The following NXN variants were observed in gnomAD, a reference collection of about 807,000 sequenced individuals.
NXN encodes the protein nucleoredoxin 1.
A neutral mutation model predicts 48.6 loss-of-function variants in NXN; 16 were observed. The ratio of observed to expected loss-of-function variants is 0.33; its 90% CI spans 0.22 to 0.50. NXN has a LOEUF of 0.50. Ranked by LOEUF, NXN falls within the 20% of genes least tolerant of loss-of-function variation. The pLI is 0.98. For synonymous variants in NXN, 281 were observed against 269.6 expected, an observed-to-expected ratio of 1.04 and a Z score of -0.41; for missense variants, 492 against 605.5, an observed-to-expected ratio of 0.81 and a Z score of 1.97.
At chr17:928,696 C>T (rs1318365896) in intron 1 of NXN, among the ~76,000 whole-genome samples, 4 of 152,054 alleles carry the variant, frequency 2.6e-5, no homozygotes, top group Non-Finnish European at 5.9e-5. Flanking sequence ...ATTAGCCGGG[C>T]GTGGTGGTGG....
In NXN at chr17:932,420, T is replaced by G. The variant is rs1299924677; in HGVS notation, c.360+46899A>C. 6.6e-6 allele frequency among the ~76,000 whole-genome samples: 1 copy of G among 152,180 alleles called. No individual in the cohort carries two copies. The highest frequency in any genetic ancestry group is 1.5e-5 in the Non-Finnish European group (1 of 68,024). On this transcript the variant is annotated intron_variant, in intron 1 of 7. Transcript: ENST00000336868. This position sits in a 1 kb window ranked among gnomAD's most constrained non-coding sequence, Gnocchi z 4.1. The stretch of plus-strand genomic sequence containing the variant: ...TGGGATGGGGCCCAGGAATCCGCAT[T>G]TAACCAGTCCTTCTGGTTATTCATC...
chr17:881,546 A>C (rs940410066), intron 1 of NXN, among the ~76,000 whole-genome samples: 7 of 152,152 alleles, frequency 4.6e-5, no homozygotes, highest in Admixed American at 6.6e-5. Context: ...ACTTTGAAGA[A>C]CCGTTTGGTC....
In NXN at chr17:956,992, T is replaced by G. The variant is rs1430071768; in HGVS notation, c.360+22327A>C. Among the ~76,000 whole-genome samples the G allele has an allele frequency of 6.6e-6, 1 of 152,174 alleles. No homozygotes were observed. The highest frequency in any genetic ancestry group is 1.9e-4 in the East Asian group (1 of 5,196). On this transcript the variant is annotated intron_variant, in intron 1 of 7. Coordinates refer to ENST00000336868, the MANE Select transcript of NXN (RefSeq NM_022463.5). This position sits in a 1 kb window ranked among gnomAD's most constrained non-coding sequence, Gnocchi z 4.1. ...CTCTAAATTTATAGGTATATATATTTCATGCCTTATCTCCCCAGCTTAATT... is the reference window on the plus strand; with the variant it reads ...CTCTAAATTTATAGGTATATATATTGCATGCCTTATCTCCCCAGCTTAATT...
At chr17:968,827 C>T (rs191614497) in intron 1 of NXN, among the ~76,000 whole-genome samples, 1 of 152,122 alleles carries the variant, frequency 6.6e-6, no homozygotes, top group African/African-American at 2.4e-5. Flanking sequence ...ATCCCAGCTA[C>T]TCAGGAGGCT....
chr17:928,212 C>T (rs1039698515), intron 1 of NXN, among the ~76,000 whole-genome samples: 5 of 152,094 alleles, frequency 3.3e-5, no homozygotes, highest in Non-Finnish European at 7.4e-5. Flanking sequence ...GTCCAGGCAG[C>T]GGGGGTCTCA....
intron 1 of NXN, among the ~76,000 whole-genome samples, chr17:951,560 G>T (rs2069110984): frequency 6.6e-6 from 1 of 151,700 alleles, no homozygotes. Flanking sequence ...ATGCGAGCTG[G>T]GGGCGGGGGC....
At chr17:957,631 CA>C (rs34940337) in intron 1 of NXN, among the ~76,000 whole-genome samples, 349 of 131,742 alleles carry the variant, frequency 2.6e-3, no homozygotes, top group Middle Eastern at 4.0e-3. Flanking sequence ...GACTCCATCT[CA>C]AAAAAAAAAA....
At chr17:935,427 T>C (rs1597254818) in intron 1 of NXN, among the ~76,000 whole-genome samples, 1 of 152,064 alleles carries the variant, frequency 6.6e-6, no homozygotes, top group Admixed American at 6.6e-5. Context: ...TGAAGAACAC[T>C]GAGAAGTGGG....
intron 1 of NXN, among the ~76,000 whole-genome samples, chr17:947,199 T>C (rs2069053281): frequency 6.6e-6 from 1 of 152,098 alleles, no homozygotes; most frequent in Non-Finnish European, 1.5e-5. Flanking sequence ...CAGTAGTGGC[T>C]GAAAAACCGT....
rs531321704 is a variant in NXN, at chr17:958,456, G to A, written c.360+20863C>T. Among the ~76,000 whole-genome samples the A allele has an allele frequency of 9.2e-5, 14 of 152,188 alleles. No homozygotes were observed. The highest frequency in any genetic ancestry group is 1.9e-4 in the East Asian group (1 of 5,172). ...GAGGCCAGGCGTTCAAAACCAGCCC[G>A]GGCAACATAGCAGGACTCCAACTCT... is the stretch of plus-strand genomic sequence containing the variant. On this transcript the variant is annotated intron_variant, in intron 1 of 7. Coordinates refer to ENST00000336868, the MANE Select transcript of NXN (RefSeq NM_022463.5). The surrounding 1 kb of genome is among the most constrained non-coding windows in gnomAD (Gnocchi z 6.9).
intron 1 of NXN, among the ~76,000 whole-genome samples, chr17:966,460 G>A (rs1301327869): frequency 6.6e-6 from 1 of 152,046 alleles, no homozygotes; most frequent in African/African-American, 2.4e-5. Flanking sequence ...TGATTCTCCT[G>A]CCTCAGCCTC....
rs181330240 is a variant in NXN, at chr17:840,664, G to C, written c.361-14586C>G. Among the ~76,000 whole-genome samples the C allele has an allele frequency of 3.6e-3, 550 of 152,334 alleles. 2 individuals are homozygous for C. Among genetic ancestry groups the C allele is most frequent in the Middle Eastern group, 0.01 (3 of 294 alleles). ...GGCGTGCAGACTTCTTACGTCTTAA[G>C]AGCCTCACTTCACCGGCGAGATACT... On this transcript the variant is annotated intron_variant, in intron 1 of 7. Coordinates refer to ENST00000336868, the MANE Select transcript of NXN (RefSeq NM_022463.5).
intron 1 of NXN, among the ~76,000 whole-genome samples, chr17:916,570 A>G (rs2068690615): frequency 6.6e-6 from 1 of 152,222 alleles, no homozygotes; most frequent in Non-Finnish European, 1.5e-5. Flanking sequence ...TAAATATCCA[A>G]GGAATCAGTT....
chr17:812,149 G>A (rs9891710), intron 5 of NXN, among the ~76,000 whole-genome samples: 3,308 of 150,902 alleles, frequency 0.022, 110 homozygotes, highest in African/African-American at 0.076. Context: ...GGACGGTCTC[G>A]ATCTCCTGAC....
intron 1 of NXN, among the ~76,000 whole-genome samples, chr17:836,105 A>G (rs1477542053): frequency 7.6e-6 from 1 of 131,100 alleles, no homozygotes; most frequent in Non-Finnish European, 1.6e-5. Flanking sequence ...GGGATTCGTC[A>G]GCCCCCACAG....
chr17:813,413 G>C (rs890641564), intron 5 of NXN, among the ~76,000 whole-genome samples: 1 of 152,244 alleles, frequency 6.6e-6, no homozygotes, highest in Non-Finnish European at 1.5e-5. Flanking sequence ...GACAAGGACA[G>C]GGCACCACAA....
chr17:904,297 C>T lies in NXN; in HGVS notation c.360+75022G>A, dbSNP rs534151235. 4.2e-4 allele frequency among the ~76,000 whole-genome samples: 55 copies of T among 131,578 alleles called. No individual in the cohort carries two copies. The South Asian group carries it at 8.2e-3, about 20-fold the overall frequency. 86.3% of individuals were successfully genotyped at this position (131,578 alleles called of 152,430 possible). ...ACCTGCGGGCTGCCCGGACGTCGGA[C>T]GCCGTCCGGCTTCCATCCGACAGAC... On this transcript the variant is annotated intron_variant, in intron 1 of 7. Coordinates refer to ENST00000336868, the MANE Select transcript of NXN (RefSeq NM_022463.5).
chr17:932,927 C>T lies in NXN; in HGVS notation c.360+46392G>A, dbSNP rs952114077. 6.1e-5 allele frequency among the ~76,000 whole-genome samples: 9 copies of T among 147,604 alleles called. No individual in the cohort carries two copies. Among genetic ancestry groups the T allele is most frequent in the African/African-American group, 1.9e-4 (8 of 41,198 alleles). ...CCTCCCTCAGTACTGGGATTCCAGG[C>T]GTGAGCCACCGCGCCCAGCCCAGCC... On this transcript the variant is annotated intron_variant, in intron 1 of 7. Transcript: ENST00000336868. This position sits in a 1 kb window ranked among gnomAD's most constrained non-coding sequence, Gnocchi z 4.1.
In NXN at chr17:937,990, C is replaced by T. The variant is rs553104698; in HGVS notation, c.360+41329G>A. Among the ~76,000 whole-genome samples the T allele has an allele frequency of 1.2e-4, 18 of 152,324 alleles. No homozygotes were observed. In the South Asian group the frequency reaches 1.9e-3, roughly 16 times the overall value. On this transcript the variant is annotated intron_variant, in intron 1 of 7. Transcript: ENST00000336868. ...CGCAGGGGCCGTCGCTGAAGAAGAACCCAGAAGGCTTCTGCTTTTGGTACA... is the reference window on the plus strand; with the variant it reads ...CGCAGGGGCCGTCGCTGAAGAAGAATCCAGAAGGCTTCTGCTTTTGGTACA...
Sources: gnomAD v4.1 joint callset for allele counts (sites outside exome capture counted in the v4.1 genomes callset) on GRCh38, gnomAD v4.1.1 for gene constraint, Gnocchi (gnomAD v3.1) non-coding constraint, MANE v1.5 for transcripts, NCBI Gene and HGNC (gene_info 2026-07-23, HGNC 2026-07-21) for gene names.